ANK2: variants seen among roughly 807,000 people sequenced by gnomAD.
ANK2 encodes the protein ankyrin 2, also known as ankyrin-2.
A neutral mutation model predicts 360.5 loss-of-function variants in ANK2; 83 were observed. That is an observed-to-expected ratio of 0.23 (90% CI 0.19 to 0.28). ANK2 has a LOEUF of 0.28. Ranked by LOEUF, ANK2 falls within the 10% of genes least tolerant of loss-of-function variation. The pLI, the probability that ANK2 is intolerant of heterozygous loss-of-function variation, is 1.00. For missense variants in ANK2, 4,201 were observed against 4,795.7 expected, an observed-to-expected ratio of 0.88 and a Z score of 3.66; for synonymous variants, 1,740 against 1,759.5, an observed-to-expected ratio of 0.99 and a Z score of 0.28.
At chr4:113,335,800 G>T (rs751019709) in intron 29 of ANK2, 46 bp from the exon 30 acceptor site, 1 of 1,572,166 alleles carries the variant, frequency 6.4e-7, no homozygotes, top group Non-Finnish European at 8.8e-7. Flanking sequence ...GCTGTTAGAA[G>T]GAAATCTTTG....
intron 14 of ANK2, among the ~76,000 whole-genome samples, chr4:113,272,510 G>C (rs1406019035): frequency 6.6e-6 from 1 of 152,132 alleles, no homozygotes; most frequent in Non-Finnish European, 1.5e-5. Flanking sequence ...TATATCCCTG[G>C]TTACAGGTTG....
chr4:112,993,202 T>C (rs949718831), intron 2 of ANK2, among the ~76,000 whole-genome samples: 2 of 152,072 alleles, frequency 1.3e-5, no homozygotes, highest in Non-Finnish European at 2.9e-5. Flanking sequence ...GAGGAATGCT[T>C]GAGGCTGAGA....
At chr4:113,115,599 C>T (rs1444018008) in intron 1 of ANK2, among the ~76,000 whole-genome samples, 1 of 152,120 alleles carries the variant, frequency 6.6e-6, no homozygotes, top group Non-Finnish European at 1.5e-5. Flanking sequence ...GTGCTTTCAA[C>T]TCAGTTTAGG....
intron 1 of ANK2, among the ~76,000 whole-genome samples, chr4:112,869,379 G>C (rs1376246866): frequency 6.6e-6 from 1 of 152,128 alleles, no homozygotes; most frequent in Non-Finnish European, 1.5e-5. Context: ...CTGGGCTCAA[G>C]TGATCCTCCC....
At chr4:112,800,779 C>T in the ANK2 span, among the ~76,000 whole-genome samples, 2 of 152,062 alleles carry the variant, frequency 1.3e-5, no homozygotes, top group Non-Finnish European at 2.9e-5. Flanking sequence ...CTCAGCCTCC[C>T]GAGTAGCTGG....
chr4:112,837,758 C>T (rs1393170905), intron 1 of ANK2, among the ~76,000 whole-genome samples: 1 of 152,190 alleles, frequency 6.6e-6, no homozygotes, highest in Non-Finnish European at 1.5e-5. Flanking sequence ...TTGCATGGGT[C>T]CTGTGGCCCC....
In ANK2 at chr4:113,357,757, G is replaced by A; in HGVS notation, c.9139G>A (p.Glu3047Lys). 5.6e-6 allele frequency: 9 copies of A among 1,614,084 alleles called. No homozygotes were observed. Among genetic ancestry groups the A allele is most frequent in the Non-Finnish European group, 7.6e-6 (9 of 1,179,972 alleles). The change falls in exon 38 of 46, where the codon GAA (glutamate) becomes AAA (lysine). Residue 3047 changes from glutamate (E) to lysine (K), a missense_variant. This residue lies in a region of ANK2 where 2,642 missense variants were observed against 2,714.5 expected (regional missense o/e 0.97). Transcript: ENST00000357077. ...KTDVDSDSWS[E>K]IREDDEAFEA... ...TGATGTGGATTCTGATTCTTGGAGT[G>A]AAATTCGGGAAGACGATGAAGCCTT...
chr4:113,230,700 G>A (rs2099281296), intron 4 of ANK2, among the ~76,000 whole-genome samples: 1 of 152,114 alleles, frequency 6.6e-6, no homozygotes. Context: ...TCCTTAATGA[G>A]ACATTACATA....
the ANK2 span, among the ~76,000 whole-genome samples, chr4:112,711,577 G>A: frequency 6.6e-6 from 1 of 152,058 alleles, no homozygotes; most frequent in Non-Finnish European, 1.5e-5. Context: ...AGCACTTTGG[G>A]AGGCCAAGGT....
intron 31 of ANK2, among the ~76,000 whole-genome samples, chr4:113,337,619 C>T (rs1362704715): frequency 6.6e-6 from 1 of 152,138 alleles, no homozygotes; most frequent in Non-Finnish European, 1.5e-5. Context: ...TTTCATTTCT[C>T]TTTCATATTG....
chr4:113,346,972 A>G (rs1158632659), intron 35 of ANK2, among the ~76,000 whole-genome samples: 1 of 152,150 alleles, frequency 6.6e-6, no homozygotes, highest in African/African-American at 2.4e-5. Context: ...TCACATGGCA[A>G]TCTATAGGTG....
chr4:112,803,887 T>C, the ANK2 span, among the ~76,000 whole-genome samples: 2 of 152,058 alleles, frequency 1.3e-5, no homozygotes, highest in African/African-American at 4.8e-5. Flanking sequence ...TTCCAAATAG[T>C]ATAATAGACA....
At chr4:112,954,078 C>G (rs1397340550) in intron 2 of ANK2, among the ~76,000 whole-genome samples, 1 of 151,966 alleles carries the variant, frequency 6.6e-6, no homozygotes, top group Non-Finnish European at 1.5e-5. Flanking sequence ...GATTTTAGTA[C>G]CTAATGGTCA....
chr4:112,778,346 A>G, the ANK2 span, among the ~76,000 whole-genome samples: 1 of 151,650 alleles, frequency 6.6e-6, no homozygotes, highest in Admixed American at 6.6e-5. Flanking sequence ...CAATTTTTGT[A>G]TTTTTAGTAG....
intron 4 of ANK2, among the ~76,000 whole-genome samples, chr4:113,209,650 A>G (rs945232676): frequency 7.9e-5 from 12 of 151,966 alleles, no homozygotes; most frequent in Admixed American, 5.9e-4. Flanking sequence ...GATGGCTTGC[A>G]GGTAAAGATT....
At chr4:113,345,638 G>T (rs1017774549) in intron 34 of ANK2, among the ~76,000 whole-genome samples, 2 of 152,114 alleles carry the variant, frequency 1.3e-5, no homozygotes, top group African/African-American at 4.8e-5. Flanking sequence ...ATTTCACAAT[G>T]TATACATATA....
the ANK2 span, among the ~76,000 whole-genome samples, chr4:112,803,360 T>C: frequency 2.6e-5 from 4 of 152,174 alleles, no homozygotes; most frequent in Non-Finnish European, 5.9e-5. Context: ...TTATAAGCGA[T>C]AGGCAAGTGC....
intron 20 of ANK2, among the ~76,000 whole-genome samples, chr4:113,289,076 A>G (rs916384269): frequency 1.3e-5 from 2 of 152,128 alleles, no homozygotes; most frequent in African/African-American, 4.8e-5. Context: ...CGTGCACTCA[A>G]TGTGGTTCAA....
At chr4:112,998,815 C>G (rs1267769303) in intron 2 of ANK2, among the ~76,000 whole-genome samples, 1 of 152,082 alleles carries the variant, frequency 6.6e-6, no homozygotes, top group Non-Finnish European at 1.5e-5. Flanking sequence ...ATCACAGCAC[C>G]CTTTTTCAAA....
Sources: allele counts gnomAD v4.1 joint callset (sites outside exome capture counted in the v4.1 genomes callset), GRCh38; gene constraint gnomAD v4.1.1; regional missense constraint gnomAD v4.1.1; transcripts MANE v1.5; gene names NCBI Gene and HGNC (gene_info 2026-07-23, HGNC 2026-07-21).